The following TAMM41 variants were observed in gnomAD, a reference collection of about 807,000 sequenced individuals.
TAMM41 encodes the protein phosphatidate cytidylyltransferase, mitochondrial.
TAMM41 carries 36 observed loss-of-function variants against 44.1 expected under a neutral mutation model. That is an observed-to-expected ratio of 0.82 (90% CI 0.63 to 1.08). The LOEUF is 1.08. Among genes scored for constraint, TAMM41 ranks in the 50% least tolerant of loss-of-function variants. The pLI, the probability that TAMM41 is intolerant of heterozygous loss-of-function variation, is 0.00. For missense variants in TAMM41, 417 were observed against 404.3 expected (o/e 1.03, Z -0.27); for synonymous variants, 164 against 153.1 (o/e 1.07, Z -0.53).
At chr3:11,764,143 A>G in the TAMM41 span, among the ~76,000 whole-genome samples, 103 of 152,190 alleles carry the variant, frequency 6.8e-4, no homozygotes, top group Non-Finnish European at 1.2e-3. Flanking sequence ...AGCTTGGACT[A>G]CAGGTGCACG....
the TAMM41 span, among the ~76,000 whole-genome samples, chr3:11,747,780 A>T: frequency 6.6e-6 from 1 of 152,298 alleles, no homozygotes; most frequent in Admixed American, 6.5e-5. Flanking sequence ...AAATTAAAAA[A>T]TAAAAAATAA....
the TAMM41 span, among the ~76,000 whole-genome samples, chr3:11,736,067 G>A: frequency 2.6e-5 from 4 of 152,108 alleles, no homozygotes; most frequent in African/African-American, 4.8e-5. Flanking sequence ...CTATTTCCTC[G>A]TGCAGAAATC....
intron 4 of TAMM41, among the ~76,000 whole-genome samples, chr3:11,821,857 C>T (rs910439022): frequency 3.3e-5 from 5 of 152,052 alleles, no homozygotes; most frequent in South Asian, 2.1e-4. Context: ...ATCTGAACAC[C>T]GAAAATGCAA....
the TAMM41 span, among the ~76,000 whole-genome samples, chr3:11,779,332 A>AGGG: frequency 6.6e-6 from 1 of 152,164 alleles, no homozygotes; most frequent in Non-Finnish European, 1.5e-5. Flanking sequence ...AGAGAGGAGG[A>AGGG]GGAAGGTGCC....
At chr3:11,760,141 T>C in the TAMM41 span, among the ~76,000 whole-genome samples, 12 of 152,318 alleles carry the variant, frequency 7.9e-5, no homozygotes, top group South Asian at 2.3e-3. Flanking sequence ...TAAGGAAATA[T>C]ATTAGCTTAC....
chr3:11,807,888 T>G lies in TAMM41; in HGVS notation c.882A>C (p.Ser294=), dbSNP rs1225236616. 9 of 1,519,156 alleles carry G rather than the reference T, an allele frequency of 5.9e-6. No individual in the cohort carries two copies. Among genetic ancestry groups the G allele is most frequent in the Middle Eastern group, 3.4e-4 (2 of 5,930 alleles). 94.1% of individuals were successfully genotyped at this position (1,519,156 alleles called of 1,614,324 possible). A position where few individuals can be genotyped will look rare whatever the true frequency, so the allele number is the denominator to read the frequency against. The change falls in exon 7 of 8, where the codon TCA becomes TCC. Residue 294 remains serine (S), a synonymous_variant. Transcript: ENST00000455809. The part of the protein sequence containing the change: ...DCGDVVRLGL[S]AIVRPSSIRQ... ...TTATACTAGACGGTCTCACGATTGC[T>G]GAAAGCCCTGCGAGAAAAAAACCAA...
chr3:11,760,011 C>T, the TAMM41 span, among the ~76,000 whole-genome samples: 9 of 151,990 alleles, frequency 5.9e-5, no homozygotes, highest in South Asian at 8.3e-4. Context: ...AAGAAGAAAA[C>T]GTTCCTGAGT....
the TAMM41 span, among the ~76,000 whole-genome samples, chr3:11,753,519 T>A: frequency 2.0e-5 from 3 of 151,644 alleles, no homozygotes. Context: ...GGTCAGGAGA[T>A]TGAGACCATC....
chr3:11,795,556 T>A (rs2077585521), intron 7 of TAMM41, among the ~76,000 whole-genome samples: 1 of 152,242 alleles, frequency 6.6e-6, no homozygotes, highest in African/African-American at 2.4e-5. Context: ...CCCTTCCATT[T>A]GATCTCTATG....
intron 5 of TAMM41, among the ~76,000 whole-genome samples, chr3:11,814,552 C>G (rs1030198118): frequency 2.6e-5 from 4 of 151,994 alleles, no homozygotes; most frequent in Admixed American, 6.6e-5. Flanking sequence ...GGAGGTCTAG[C>G]AACCACCTAA....
At chr3:11,820,216 T>A (rs2078458834) in intron 4 of TAMM41, among the ~76,000 whole-genome samples, 1 of 152,230 alleles carries the variant, frequency 6.6e-6, no homozygotes, top group South Asian at 2.1e-4. Context: ...AGAGATGAAA[T>A]GTCATCAAAT....
intron 4 of TAMM41, among the ~76,000 whole-genome samples, chr3:11,827,778 T>C (rs2078820220): frequency 6.6e-6 from 1 of 152,166 alleles, no homozygotes; most frequent in African/African-American, 2.4e-5. Flanking sequence ...ATAATAATAC[T>C]GACCTCAGGG....
the TAMM41 span, among the ~76,000 whole-genome samples, chr3:11,749,594 T>C: frequency 6.6e-6 from 1 of 152,234 alleles, no homozygotes; most frequent in Non-Finnish European, 1.5e-5. Context: ...TTTTATTTAG[T>C]TGTGTTCAAC....
the TAMM41 span, among the ~76,000 whole-genome samples, chr3:11,767,643 T>TTTTTTTTTTTTTTTTTTTTTTTTTA: frequency 7.2e-6 from 1 of 139,034 alleles, no homozygotes; most frequent in Middle Eastern, 3.6e-3. Flanking sequence ...TTTTTTTTTT[T>TTTTTTTTTTTTTTTTTTTTTTTTTA]GAGACAGAGT....
chr3:11,811,179 T>C (rs1036065877), intron 5 of TAMM41: 7 of 152,220 alleles, frequency 4.6e-5, no homozygotes, highest in Admixed American at 1.3e-4. Context: ...TCCATAAAGC[T>C]AGAGGGGTAA....
chr3:11,808,068 C>T, intron 6 of TAMM41, 173 bp from the exon 7 acceptor site: 1 of 1,297,526 alleles, frequency 7.7e-7, no homozygotes, highest in South Asian at 1.6e-5. Context: ...GATTGAGGGC[C>T]AGGAGACCAG....
chr3:11,779,140 G>T, the TAMM41 span, among the ~76,000 whole-genome samples: 1 of 152,152 alleles, frequency 6.6e-6, no homozygotes, highest in East Asian at 1.9e-4. Flanking sequence ...CCTGGCACCC[G>T]CCTTTTCCAG....
rs190684729 is a variant in TAMM41 at position 11,808,294 on chromosome 3, C to T, written c.875-399G>A. Reference sequence around the variant, plus strand: ...ACGAGAAAAACTTTCATTCTGAAAACACACATACGGATTCCACAGTGAGGA... The same window carrying T: ...ACGAGAAAAACTTTCATTCTGAAAATACACATACGGATTCCACAGTGAGGA... On this transcript the variant is annotated intron_variant, in intron 6 of 7. Transcript: ENST00000455809. The T allele has an allele frequency of 7.7e-6, 8 of 1,040,856 alleles. No individual in the cohort carries two copies. In the Admixed American group the frequency reaches 3.0e-4, roughly 39 times the overall value. The allele number at this position is 1,040,856 out of a possible 1,614,324, so 64.5% of individuals were successfully genotyped here.
At chr3:11,770,120 G>A in the TAMM41 span, among the ~76,000 whole-genome samples, 1 of 152,234 alleles carries the variant, frequency 6.6e-6, no homozygotes, top group African/African-American at 2.4e-5. Flanking sequence ...GGAGATGTGT[G>A]ATTGGTCCCG....
Sources: allele counts gnomAD v4.1 joint callset (sites outside exome capture counted in the v4.1 genomes callset), GRCh38; gene constraint gnomAD v4.1.1; transcripts MANE v1.5; gene names NCBI Gene and HGNC (gene_info 2026-07-23, HGNC 2026-07-21).